The following SEH1L variants were observed in gnomAD, a reference collection of about 807,000 sequenced individuals.
The protein encoded by SEH1L is nucleoporin SEH1.
Under a neutral mutation model 49.5 loss-of-function variants are expected in SEH1L, and 18 were observed. That is an observed-to-expected ratio of 0.36 (90% CI 0.25 to 0.54). The LOEUF (loss-of-function observed/expected upper bound fraction) is 0.54, where lower values mean the gene tolerates loss of function less well. Among genes scored for constraint, SEH1L ranks in the 20% least tolerant of loss-of-function variants. SEH1L has a pLI of 0.87. For synonymous variants in SEH1L, 169 were observed against 178.1 expected, an observed-to-expected ratio of 0.95 and a Z score of 0.41; for missense variants, 404 against 528.8, an observed-to-expected ratio of 0.76 and a Z score of 2.31.
At position 12,978,802 on chromosome 18, in the gene SEH1L, A is replaced by T; in HGVS notation, c.671A>T (p.Asp224Val). The change falls in exon 6 of 9, where the codon GAT becomes GTT. Residue 224 changes from aspartate (D) to valine (V), a missense_variant. Asp to Val is a radical substitution (Grantham distance 152, BLOSUM62 -3). This residue lies in a region of SEH1L where 342 missense variants were observed against 430.8 expected (regional missense o/e 0.79). Transcript: ENST00000399892. ...ATGACAGTCACTGATCCTGTTCATG[A>T]TATTGCATTCGCTCCAAATTTGGGA... ...TLMTVTDPVH[D>V]IAFAPNLGRS... 1 of 1,613,754 alleles carries T rather than the reference A, an allele frequency of 6.2e-7. No homozygotes were observed. The highest frequency in any genetic ancestry group is 8.5e-7 in the Non-Finnish European group (1 of 1,179,670).
chr18:12,971,135 C>G lies in SEH1L; in HGVS notation c.522-18C>G. On this transcript the variant is annotated intron_variant, in intron 4 of 8. Coordinates refer to ENST00000399892, the MANE Select transcript of SEH1L (RefSeq NM_001013437.2). The stretch of plus-strand genomic sequence containing the variant: ...TATTTCTTTTGTTATCTAAAATGTT[C>G]TTTCTCCCCGTTTCTAGCTCTCGTG... 2 of 1,560,648 alleles carry G rather than the reference C, an allele frequency of 1.3e-6. No individual in the cohort carries two copies. Among genetic ancestry groups the G allele is most frequent in the South Asian group, 1.1e-5 (1 of 89,798 alleles).
chr18:12,948,015 C>T lies in SEH1L; in HGVS notation c.-107C>T. 2.6e-6 allele frequency: 2 copies of T among 755,200 alleles called. No homozygotes were observed. The highest frequency in any genetic ancestry group is 4.3e-6 in the Non-Finnish European group (2 of 465,412). 46.8% of individuals were successfully genotyped at this position (755,200 alleles called of 1,614,324 possible). A position where few individuals can be genotyped will look rare whatever the true frequency, so the allele number is the denominator to read the frequency against. ...GGGCGGTGCGGGGGCGTGGGCAGCA[C>T]AAGCCGTGCGCTCCCGGGCTGCGAG... On this transcript the variant is annotated 5_prime_UTR_variant, in exon 1 of 9. Coordinates refer to ENST00000399892, the MANE Select transcript of SEH1L (RefSeq NM_001013437.2).
chr18:12,984,118 G>A lies in SEH1L; in HGVS notation c.998G>A (p.Gly333Glu). The A allele has an allele frequency of 1.2e-6, 2 of 1,613,800 alleles. No homozygotes were observed. The highest frequency in any genetic ancestry group is 8.5e-7 in the Non-Finnish European group (1 of 1,179,678). Reference sequence around the variant, plus strand: ...CCAGTCAATGGGAGTTCTCAGCAGGGAACCTCAAATCCTTCCCTAGGTTCA... The same window carrying A: ...CCAGTCAATGGGAGTTCTCAGCAGGAAACCTCAAATCCTTCCCTAGGTTCA... Reference protein sequence around the residue: ...GSPVNGSSQQGTSNPSLGSTI... With the variant: ...GSPVNGSSQQETSNPSLGSTI... The change falls in exon 8 of 9, where the codon GGA becomes GAA. Residue 333 changes from glycine (G) to glutamate (E), a missense_variant. Coordinates refer to ENST00000399892, the MANE Select transcript of SEH1L (RefSeq NM_001013437.2).
chr18:12,980,255 A>T (rs1339597103), intron 6 of SEH1L, among the ~76,000 whole-genome samples: 1 of 113,862 alleles, frequency 8.8e-6, no homozygotes, highest in Non-Finnish European at 1.8e-5. Context: ...TGGCCCCCCC[A>T]CCTCCCTCCC....
chr18:12,984,272 G>A (rs62095825), intron 8 of SEH1L, 82 bp downstream of exon 8: 68,296 of 1,384,248 alleles, frequency 0.049, 2,617 homozygotes, highest in East Asian at 0.2. Flanking sequence ...ATTATTTCAT[G>A]GATTATAAGA....
At position 12,951,040 on chromosome 18, in the gene SEH1L, A is replaced by T. The variant is rs944826463; in HGVS notation, c.112-815A>T. Among the ~76,000 whole-genome samples, 8 of 152,100 alleles carry T rather than the reference A, an allele frequency of 5.3e-5. No homozygotes were observed. In the South Asian group the frequency reaches 8.3e-4, roughly 16 times the overall value. ...ATGTACAGTTGAGCCTGTTGTTTGTAGATTCTGTATTTTTTGAATTTGTCT... is the reference window on the plus strand; with the variant it reads ...ATGTACAGTTGAGCCTGTTGTTTGTTGATTCTGTATTTTTTGAATTTGTCT... On this transcript the variant is annotated intron_variant, in intron 1 of 8. Transcript: ENST00000399892.
intron 5 of SEH1L, 126 bp downstream of exon 5, chr18:12,971,377 C>T (rs576574805): frequency 1.5e-6 from 1 of 663,228 alleles, no homozygotes; most frequent in African/African-American, 1.8e-5. Flanking sequence ...TATAATATAC[C>T]AAGTTCTGTG....
At chr18:12,959,087 T>A (rs943723861) in intron 3 of SEH1L, among the ~76,000 whole-genome samples, 3 of 152,226 alleles carry the variant, frequency 2.0e-5, no homozygotes, top group Admixed American at 1.3e-4. Flanking sequence ...TGATTTGCAT[T>A]TCTCTAATAA....
At chr18:12,985,321 C>A in intron 8 of SEH1L, 1 of 1,575,094 alleles carries the variant, frequency 6.3e-7, no homozygotes, top group African/African-American at 1.3e-5. Context: ...GGAAAGCGAG[C>A]TCCTTTTCCC....
chr18:12,955,897 A>G, intron 3 of SEH1L, among the ~76,000 whole-genome samples: 1 of 152,122 alleles, frequency 6.6e-6, no homozygotes, highest in South Asian at 2.1e-4. Flanking sequence ...ATAGTAATAT[A>G]TGATTTTAAA....
In SEH1L at chr18:12,984,185, T is replaced by G; in HGVS notation, c.1065T>G (p.Ala355=). 1 of 1,613,668 alleles carries G rather than the reference T, an allele frequency of 6.2e-7. No homozygotes were observed. Among genetic ancestry groups the G allele is most frequent in the Non-Finnish European group, 8.5e-7 (1 of 1,179,654 alleles). The change falls in exon 8 of 9, where the codon GCT becomes GCG. Residue 355 remains alanine, a synonymous_variant. Coordinates refer to ENST00000399892, the MANE Select transcript of SEH1L (RefSeq NM_001013437.2). ...AGAATTCATTAAATGGATCTTCTGC[T>G]GGCAGGTAGGCTGCTTCATGGGAAA... is the stretch of plus-strand genomic sequence containing the variant. ...SLQNSLNGSS[A]GRYFFTPLDS...
intron 1 of SEH1L, among the ~76,000 whole-genome samples, chr18:12,949,173 C>T (rs2030333975): frequency 6.6e-6 from 1 of 150,672 alleles, no homozygotes; most frequent in South Asian, 2.1e-4. Flanking sequence ...GGCCTACAAG[C>T]AGAATTTCTA....
intron 1 of SEH1L, among the ~76,000 whole-genome samples, chr18:12,950,612 A>G (rs2030462789): frequency 6.6e-6 from 1 of 152,122 alleles, no homozygotes. Context: ...TGTATTTTGA[A>G]TGATTTTCTT....
At chr18:12,965,341 C>A (rs188543474) in intron 4 of SEH1L, among the ~76,000 whole-genome samples, 1 of 152,270 alleles carries the variant, frequency 6.6e-6, no homozygotes, top group African/African-American at 2.4e-5. Flanking sequence ...TGCTTGTATA[C>A]TGGCAAGATT....
Position 12,987,105 on chromosome 18 carries a change from T to G in SEH1L, c.*48T>G, listed in dbSNP as rs2032496355. 5 of 1,324,846 alleles carry G rather than the reference T, an allele frequency of 3.8e-6. No individual in the cohort carries two copies. The highest frequency in any genetic ancestry group is 5.2e-6 in the Non-Finnish European group (5 of 966,006). The allele number at this position is 1,324,846 out of a possible 1,614,324, so 82.1% of individuals were successfully genotyped here. On this transcript the variant is annotated 3_prime_UTR_variant, in exon 9 of 9. Transcript: ENST00000399892. Reference sequence around the variant, plus strand: ...GCCTTATTCAAGTGCTTGTAAATGCTTTCATTTCTGGCTGCTTTTTGTTTT... The same window carrying G: ...GCCTTATTCAAGTGCTTGTAAATGCGTTCATTTCTGGCTGCTTTTTGTTTT...
At chr18:12,983,913 C>T (rs2032367795) in intron 7 of SEH1L, 127 bp from the exon 8 acceptor site, 3 of 593,276 alleles carry the variant, frequency 5.1e-6, no homozygotes, top group Admixed American at 6.9e-5. Context: ...AATGTTTATC[C>T]TGAAAGAAAT....
intron 4 of SEH1L, 45 bp downstream of exon 4, chr18:12,963,416 A>C: frequency 2.8e-6 from 4 of 1,423,860 alleles, no homozygotes; most frequent in Non-Finnish European, 4.0e-6. Flanking sequence ...AGTAAAATAA[A>C]CTAGTAACTT....
chr18:12,966,809 C>G (rs1438068830), intron 4 of SEH1L, among the ~76,000 whole-genome samples: 1 of 152,148 alleles, frequency 6.6e-6, no homozygotes, highest in African/African-American at 2.4e-5. Context: ...TGTCTCTGTT[C>G]TGTCTTTCTG....
At chr18:12,966,710 T>C (rs976503688) in intron 4 of SEH1L, among the ~76,000 whole-genome samples, 1 of 152,226 alleles carries the variant, frequency 6.6e-6, no homozygotes, top group African/African-American at 2.4e-5. Context: ...CCAATCCTGC[T>C]TGACACTCAG....
Sources: allele counts gnomAD v4.1 joint callset (sites outside exome capture counted in the v4.1 genomes callset), GRCh38; gene constraint gnomAD v4.1.1; regional missense constraint gnomAD v4.1.1; transcripts MANE v1.5; gene names NCBI Gene and HGNC (gene_info 2026-07-23, HGNC 2026-07-21).